Variants in MYL6B observed in about 807,000 individuals in gnomAD.
MYL6B encodes myosin light chain 6B, also known as myosin alkali light chain 1 slow a.
Under a neutral mutation model 24.5 loss-of-function variants are expected in MYL6B, and 19 were observed. The ratio of observed to expected loss-of-function variants is 0.78; its 90% CI spans 0.54 to 1.14. The LOEUF (loss-of-function observed/expected upper bound fraction) is 1.14, where lower values mean the gene tolerates loss of function less well. Among genes scored for constraint, MYL6B ranks in the 50% most tolerant of loss-of-function variants. The pLI, the probability that MYL6B is intolerant of heterozygous loss-of-function variation, is 0.00. For synonymous variants in MYL6B, 90 were observed against 100.7 expected (o/e 0.89, Z 0.64); for missense variants, 230 against 263.8 (o/e 0.87, Z 0.89).
chr12:56,157,707 AAC>A lies in MYL6B; in HGVS notation c.612_613del (p.Ile205ProfsTer83). ...CCTCCTCTCTCTGCAGCCTTCTTGA[AAC>A]ACATCCTAAGCGTCTGAGTGCTGCA... On this transcript the variant is annotated frameshift_variant, in exon 7 of 7. Coordinates refer to ENST00000553066, the Ensembl canonical transcript of MYL6B. LOFTEE classifies it high-confidence loss of function. 6.2e-7 allele frequency: 1 copy of A among 1,612,690 alleles called. No homozygotes were observed. The highest frequency in any genetic ancestry group is 8.5e-7 in the Non-Finnish European group (1 of 1,179,986).
At chr12:56,155,514 G>A in exon 5 of MYL6B, 1 of 1,614,052 alleles carries the variant, frequency 6.2e-7, no homozygotes, top group Non-Finnish European at 8.5e-7. Flanking sequence ...GGACTACTTG[G>A]AGGGGTTTCG....
At chr12:56,152,909 C>G (rs1871161685) in intron 1 of MYL6B, among the ~76,000 whole-genome samples, 1 of 152,206 alleles carries the variant, frequency 6.6e-6, no homozygotes, top group East Asian at 1.9e-4. Flanking sequence ...CACTCCCAAA[C>G]GCCCCCCAAC....
At chr12:56,152,698 G>GTGTA (rs1312511342) in intron 1 of MYL6B, 67 bp downstream of exon 1, 5 of 151,608 alleles carry the variant, frequency 3.3e-5, no homozygotes, top group African/African-American at 1.2e-4. Context: ...GAGTGTGTGT[G>GTGTA]TGTGTGTGTG....
Position 56,155,845 on chromosome 12 carries a change from G to T in MYL6B, c.520+253G>T, listed in dbSNP as rs1364140153. ...TGAATTTTCATTTTGGAAGAGACGT[G>T]TGGGTTGTGTGTTCTGGTACAAGTC... On this transcript the variant is annotated intron_variant, in intron 5 of 6. Coordinates refer to ENST00000553066, the Ensembl canonical transcript of MYL6B. The T allele has an allele frequency of 2.9e-6, 4 of 1,382,226 alleles. No individual in the cohort carries two copies. In the East Asian group the frequency reaches 1.2e-4, roughly 42 times the overall value. The allele number at this position is 1,382,226 out of a possible 1,614,324, so 85.6% of individuals were successfully genotyped here. A position where few individuals can be genotyped will look rare whatever the true frequency, so the allele number is the denominator to read the frequency against.
exon 5 of MYL6B, chr12:56,155,436 G>A (rs777159154): frequency 1.2e-6 from 2 of 1,614,086 alleles, no homozygotes; most frequent in South Asian, 1.1e-5. Context: ...GTCGCGGCGT[G>A]TGGACTTTGA....
exon 7 of MYL6B, chr12:56,157,816 AGTTC>A: frequency 6.6e-7 from 1 of 1,508,142 alleles, no homozygotes; most frequent in Non-Finnish European, 9.0e-7. Flanking sequence ...AAAGCAGCGG[AGTTC>A]ATTCTGCTGT....
intron 1 of MYL6B, chr12:56,153,371 A>G: frequency 2.1e-6 from 2 of 953,694 alleles, no homozygotes; most frequent in Non-Finnish European, 2.5e-6. Flanking sequence ...ATTAGACTCT[A>G]AGGTTAACTA....
Position 56,155,084 on chromosome 12 carries a change from C to T in MYL6B, c.232C>T (p.Arg78Ter), listed in dbSNP as rs770630703. 2.5e-6 allele frequency: 4 copies of T among 1,613,446 alleles called. No homozygotes were observed. The highest frequency in any genetic ancestry group is 1.7e-5 in the Admixed American group (1 of 59,918). The change falls in exon 4 of 7, where the codon CGA becomes TGA. Residue 78 changes from arginine to a stop codon, truncating the protein, a stop_gained. Transcript: ENST00000553066. LOFTEE classifies it high-confidence loss of function. The stretch of plus-strand genomic sequence containing the variant: ...CAAGGAGGCCTTCGAGCTGTTTGAC[C>T]GAGTGGGGGATGGCAAGATCCTGTA...
At chr12:56,153,606 C>A in intron 1 of MYL6B, 1 of 419,906 alleles carries the variant, frequency 2.4e-6, no homozygotes, top group Non-Finnish European at 3.3e-6. Flanking sequence ...ATCCTATCCT[C>A]ACCCTGGAGG....
intron 5 of MYL6B, chr12:56,156,083 A>G (rs1387787917): frequency 1.2e-5 from 12 of 1,033,510 alleles, no homozygotes; most frequent in African/African-American, 8.7e-5. Context: ...AGGCGGGCGG[A>G]TCACCTTAGC....
chr12:56,156,043 C>T (rs1248878637), intron 5 of MYL6B: 9 of 1,093,170 alleles, frequency 8.2e-6, no homozygotes, highest in African/African-American at 1.7e-5. Context: ...TGGTGGCTCA[C>T]GCCTGTAATC....
intron 4 of MYL6B, 65 bp downstream of exon 4, chr12:56,155,263 A>G: frequency 6.4e-7 from 1 of 1,558,598 alleles, no homozygotes. Context: ...GGTAACAAAA[A>G]GAATGAGGTG....
intron 1 of MYL6B, chr12:56,153,558 T>C: frequency 1.2e-6 from 1 of 846,592 alleles, no homozygotes; most frequent in Non-Finnish European, 1.4e-6. Context: ...GATCACCTGC[T>C]TTGCCTCACC....
exon 2 of MYL6B, chr12:56,153,942 C>T (rs773550686): frequency 7.4e-6 from 12 of 1,613,326 alleles, no homozygotes; most frequent in South Asian, 5.5e-5. Flanking sequence ...AGGATGTTCC[C>T]GTGAAGAAAC....
intron 4 of MYL6B, 76 bp from the exon 5 acceptor site, chr12:56,155,343 G>A: frequency 6.2e-7 from 1 of 1,602,908 alleles, no homozygotes; most frequent in Non-Finnish European, 8.5e-7. Context: ...TAGGATGAAA[G>A]CATTGTGGTA....
intron 5 of MYL6B, 66 bp downstream of exon 5, chr12:56,155,658 A>C (rs1265655548): frequency 1.9e-6 from 3 of 1,609,272 alleles, no homozygotes; most frequent in Non-Finnish European, 2.5e-6. Context: ...GGCCAGAAAG[A>C]CTGGACAGAT....
exon 7 of MYL6B, chr12:56,157,896 G>A: frequency 1.4e-6 from 1 of 717,318 alleles, no homozygotes; most frequent in Non-Finnish European, 2.3e-6. Flanking sequence ...AGTGGGGTCC[G>A]GACACTGGGC....
rs1871235773 is a variant in MYL6B at position 56,154,598 on chromosome 12, G to A, written c.175-215G>A. ...TGGAGGGAGGGAAACAGGTGGCATG[G>A]GATTAACCCTGTTCCCAGGAAACCC... is the stretch of plus-strand genomic sequence containing the variant. On this transcript the variant is annotated intron_variant, in intron 2 of 6. Coordinates refer to ENST00000553066, the Ensembl canonical transcript of MYL6B. Among the ~76,000 whole-genome samples the A allele has an allele frequency of 2.6e-5, 4 of 152,326 alleles. No individual in the cohort carries two copies. The South Asian group carries it at 8.3e-4, about 32-fold the overall frequency.
chr12:56,157,571 G>A, intron 6 of MYL6B, 26 bp downstream of exon 6: 1 of 1,613,806 alleles, frequency 6.2e-7, no homozygotes, highest in Non-Finnish European at 8.5e-7. Flanking sequence ...AGCGGGAGCG[G>A]GGCCGAGGGA....
Sources: allele counts gnomAD v4.1 joint callset (sites outside exome capture counted in the v4.1 genomes callset), GRCh38; gene constraint gnomAD v4.1.1; transcripts MANE v1.5; gene names NCBI Gene and HGNC (gene_info 2026-07-23, HGNC 2026-07-21).